ITIH5: variants seen among roughly 807,000 people sequenced by gnomAD.
ITIH5 encodes the protein inter-alpha-trypsin inhibitor heavy chain H5.
ITIH5 carries 65 observed loss-of-function variants against 77.5 expected under a neutral mutation model. That is an observed-to-expected ratio of 0.84 (90% CI 0.69 to 1.03). ITIH5 has a LOEUF of 1.03. ITIH5 is among the 50% of genes least tolerant of loss of function. The pLI, the probability that ITIH5 is intolerant of heterozygous loss-of-function variation, is 0.00. For missense variants in ITIH5, 1,208 were observed against 1,213.1 expected (o/e 1.00, Z 0.06); for synonymous variants, 525 against 494.3 (o/e 1.06, Z -0.82).
At chr10:7,567,587 T>C (rs143885016) in intron 12 of ITIH5, among the ~76,000 whole-genome samples, 2,876 of 151,454 alleles carry the variant, frequency 0.019, 41 homozygotes, top group Non-Finnish European at 0.028. Context: ...GAACATGCGG[T>C]GTTTGGTTTT....
rs1016414737 is a variant in ITIH5, at chr10:7,614,595, C to T, written c.939+1387G>A. ...GAAGCCAAAAGACTGGATACCCCGG[C>T]TCTGAAAGACAATAGTTAAACCCTA... On this transcript the variant is annotated intron_variant, in intron 7 of 13. Coordinates refer to ENST00000397146, the MANE Select transcript of ITIH5 (RefSeq NM_030569.7). Among the ~76,000 whole-genome samples, 116 of 152,112 alleles carry T rather than the reference C, an allele frequency of 7.6e-4. 2 individuals carry two copies. Among genetic ancestry groups the T allele is most frequent in the Non-Finnish European group, 3.4e-4 (23 of 68,030 alleles).
intron 1 of ITIH5, among the ~76,000 whole-genome samples, chr10:7,663,834 C>T (rs1379863750): frequency 1.3e-5 from 2 of 152,288 alleles, no homozygotes; most frequent in Non-Finnish European, 2.9e-5. Context: ...GAGTACTCAA[C>T]CAGAATACAT....
chr10:7,604,827 T>C (rs979782917), intron 7 of ITIH5, among the ~76,000 whole-genome samples: 4 of 8,980 alleles, frequency 4.5e-4, no homozygotes, highest in African/African-American at 6.3e-4. Context: ...TAAGATTGTT[T>C]CATTTTTTCT....
intron 10 of ITIH5, among the ~76,000 whole-genome samples, chr10:7,573,468 A>T (rs1832345407): frequency 6.6e-6 from 1 of 151,324 alleles, no homozygotes; most frequent in Non-Finnish European, 1.5e-5. Flanking sequence ...GGAGTTCGAG[A>T]CCGGCCTGGG....
chr10:7,560,452 C>T lies in ITIH5; in HGVS notation c.*2631G>A, dbSNP rs887794352. On this transcript the variant is annotated 3_prime_UTR_variant, in exon 14 of 14. Transcript: ENST00000397146. ...TCCGATTCCCAGTCCCCGGCCTCCT[C>T]AGCACAGCTGTGGCACCGAGGGAAT... The T allele has an allele frequency of 1.3e-5, 2 of 152,266 alleles. No homozygotes were observed. Among genetic ancestry groups the T allele is most frequent in the African/African-American group, 4.8e-5 (2 of 41,466 alleles). The allele number at this position is 152,266 out of a possible 1,614,324, so 9.4% of individuals were successfully genotyped here.
chr10:7,645,753 A>G (rs780520551), intron 2 of ITIH5, among the ~76,000 whole-genome samples: 9 of 152,210 alleles, frequency 5.9e-5, no homozygotes, highest in Non-Finnish European at 1.3e-4. Context: ...TCTCTCCTCC[A>G]AAGCGATTAG....
intron 7 of ITIH5, among the ~76,000 whole-genome samples, chr10:7,605,041 C>G (rs1000603555): frequency 6.6e-6 from 1 of 151,998 alleles, no homozygotes; most frequent in Non-Finnish European, 1.5e-5. Context: ...AGGCTGGTCT[C>G]GAACTCCTGA....
At chr10:7,665,688 C>T (rs2131123769) in intron 1 of ITIH5, among the ~76,000 whole-genome samples, 2 of 152,360 alleles carry the variant, frequency 1.3e-5, no homozygotes, top group South Asian at 4.1e-4. Context: ...AAAAGAGCCG[C>T]ATTCCCTGCC....
chr10:7,562,676 G>T lies in ITIH5; in HGVS notation c.*407C>A. On this transcript the variant is annotated 3_prime_UTR_variant, in exon 14 of 14. Coordinates refer to ENST00000397146, the MANE Select transcript of ITIH5 (RefSeq NM_030569.7). Reference sequence around the variant, plus strand: ...ATTAGTGTAAGGCAAAAAGCAGAGTGCCTAAACTTGTCCATTTCCACCAAG... The same window carrying T: ...ATTAGTGTAAGGCAAAAAGCAGAGTTCCTAAACTTGTCCATTTCCACCAAG... The T allele has an allele frequency of 9.4e-6, 2 of 212,020 alleles. No individual in the cohort carries two copies. Among genetic ancestry groups the T allele is most frequent in the Non-Finnish European group, 1.9e-5 (2 of 104,278 alleles). 13.1% of individuals were successfully genotyped at this position (212,020 alleles called of 1,614,324 possible). A position where few individuals can be genotyped will look rare whatever the true frequency, so the allele number is the denominator to read the frequency against.
intron 1 of ITIH5, among the ~76,000 whole-genome samples, chr10:7,665,147 A>C (rs1419349895): frequency 1.3e-5 from 2 of 152,240 alleles, no homozygotes; most frequent in African/African-American, 2.4e-5. Flanking sequence ...GCTGGGTTGA[A>C]GACAGCATGA....
At chr10:7,623,782 G>A (rs1055956652) in intron 5 of ITIH5, among the ~76,000 whole-genome samples, 45 of 116,030 alleles carry the variant, frequency 3.9e-4, no homozygotes, top group African/African-American at 1.3e-3. Context: ...CAGCCTGGGC[G>A]ACAGAGTAAG....
At chr10:7,628,856 TGTTGTAGCGTGTGTCC>T (rs1833642731) in intron 5 of ITIH5, among the ~76,000 whole-genome samples, 1 of 141,884 alleles carries the variant, frequency 7.0e-6, no homozygotes, top group African/African-American at 2.6e-5. Context: ...CGTGTGTCCC[TGTTGTAGCGTGTGTCC>T]GTGTTGTAGC....
chr10:7,633,687 G>C (rs1025930591), intron 5 of ITIH5, among the ~76,000 whole-genome samples: 8 of 151,944 alleles, frequency 5.3e-5, no homozygotes, highest in African/African-American at 1.9e-4. Flanking sequence ...AAAAAGCTAA[G>C]AGGGTTGTTA....
intron 1 of ITIH5, among the ~76,000 whole-genome samples, chr10:7,660,740 G>A (rs1324320531): frequency 2.6e-5 from 4 of 152,226 alleles, no homozygotes; most frequent in Non-Finnish European, 5.9e-5. Context: ...AAGAATGGGA[G>A]GCAGGAGGAG....
chr10:7,617,385 C>T (rs1180840976), intron 5 of ITIH5, 103 bp from the exon 6 acceptor site: 2 of 731,696 alleles, frequency 2.7e-6, no homozygotes, highest in East Asian at 3.1e-5. Context: ...CATTTTATTA[C>T]AGGCTTGTAT....
Position 7,666,943 on chromosome 10 carries a change from A to C in ITIH5, c.-51T>G. 6.8e-7 allele frequency: 1 copy of C among 1,466,058 alleles called. No homozygotes were observed. Among genetic ancestry groups the C allele is most frequent in the Non-Finnish European group, 9.3e-7 (1 of 1,078,138 alleles). 90.8% of individuals were successfully genotyped at this position (1,466,058 alleles called of 1,614,324 possible). ...GGGGACCCGGCGGGACACGCTTTGCAGCGCCCAGGGCTCCAGCCACTGCGG... is the reference window on the plus strand; with the variant it reads ...GGGGACCCGGCGGGACACGCTTTGCCGCGCCCAGGGCTCCAGCCACTGCGG... On this transcript the variant is annotated 5_prime_UTR_variant, in exon 1 of 14. Transcript: ENST00000397146.
At chr10:7,620,702 T>C (rs1053996153) in intron 5 of ITIH5, 3 of 150,986 alleles carry the variant, frequency 2.0e-5, no homozygotes, top group African/African-American at 7.3e-5. Context: ...TCTGTCCTTC[T>C]CCTTAGGATG....
At position 7,573,144 on chromosome 10, in the gene ITIH5, G is replaced by A. The variant is rs750789765; in HGVS notation, c.2030C>T (p.Ser677Leu). The stretch of plus-strand genomic sequence containing the variant: ...CACAACCGCATCCTTTGCTTTACCT[G>A]ATGTTTTAGAGATTTTAATTCTTGG... Reference protein sequence around the residue: ...YQPRIKISKTSVDGDPHFVVD... With the variant: ...YQPRIKISKTLVDGDPHFVVD... Residue 677 changes from serine to leucine, a missense_variant and splice_region_variant, in exon 11 of 14, where the codon TCA (serine) becomes TTA (leucine). Physicochemically the swap from Ser to Leu is moderately radical, Grantham distance 145 (BLOSUM62 -2). Coordinates refer to ENST00000397146, the MANE Select transcript of ITIH5 (RefSeq NM_030569.7). 1.2e-6 allele frequency: 2 copies of A among 1,613,268 alleles called. No homozygotes were observed. Among genetic ancestry groups the A allele is most frequent in the Non-Finnish European group, 1.7e-6 (2 of 1,179,338 alleles).
intron 7 of ITIH5, among the ~76,000 whole-genome samples, chr10:7,600,199 C>G (rs759046560): frequency 2.6e-5 from 4 of 152,156 alleles, no homozygotes; most frequent in Admixed American, 6.5e-5. Flanking sequence ...TCTAGCCAGT[C>G]ATAAAGGGGG....
Sources: gnomAD v4.1 joint callset for allele counts (sites outside exome capture counted in the v4.1 genomes callset) on GRCh38, gnomAD v4.1.1 for gene constraint, MANE v1.5 for transcripts, NCBI Gene and HGNC (gene_info 2026-07-23, HGNC 2026-07-21) for gene names.